The following SPIN1 variants were observed in gnomAD, a reference collection of about 807,000 sequenced individuals.
The protein encoded by SPIN1 is spindlin 1.
SPIN1 carries 3 observed loss-of-function variants against 26.0 expected under a neutral mutation model. The observed-to-expected ratio is 0.12, with a 90% CI of 0.05 to 0.30. The LOEUF (loss-of-function observed/expected upper bound fraction) is 0.30, where lower values mean the gene tolerates loss of function less well. Ranked by LOEUF, SPIN1 falls within the 10% of genes least tolerant of loss-of-function variation. SPIN1 has a pLI of 1.00. For synonymous variants in SPIN1, 101 were observed against 116.5 expected (o/e 0.87, Z 0.86); for missense variants, 126 against 333.4 (o/e 0.38, Z 4.84).
At chr9:88,471,739 A>G (rs1356782901) in intron 5 of SPIN1, among the ~76,000 whole-genome samples, 1 of 145,940 alleles carries the variant, frequency 6.9e-6, no homozygotes, top group African/African-American at 2.5e-5. Flanking sequence ...CTGTTGCATT[A>G]GTTTGTATGT....
intron 1 of SPIN1, among the ~76,000 whole-genome samples, chr9:88,414,486 C>T (rs539150409): frequency 6.6e-5 from 10 of 152,308 alleles, no homozygotes; most frequent in African/African-American, 1.2e-4. Context: ...TCTGTTATAC[C>T]ACAGTCAGCA....
chr9:88,398,949 CGT>C (rs746295804), intron 1 of SPIN1, among the ~76,000 whole-genome samples: 6 of 151,758 alleles, frequency 4.0e-5, no homozygotes, highest in Non-Finnish European at 7.4e-5. Flanking sequence ...TAAAGGAAAA[CGT>C]ATATGGGATA....
intron 1 of SPIN1, among the ~76,000 whole-genome samples, chr9:88,412,704 A>G (rs1431611743): frequency 6.7e-6 from 1 of 150,196 alleles, no homozygotes; most frequent in South Asian, 2.1e-4. Context: ...TTTTTTTTTT[A>G]GACAGTCTCA....
At chr9:88,446,688 G>T (rs538646971) in intron 2 of SPIN1, among the ~76,000 whole-genome samples, 1 of 152,132 alleles carries the variant, frequency 6.6e-6, no homozygotes, top group African/African-American at 2.4e-5. Context: ...GATTACAGGC[G>T]TGAGCCACTG....
At chr9:88,428,056 C>G (rs73652556) in intron 2 of SPIN1, among the ~76,000 whole-genome samples, 9,024 of 152,142 alleles carry the variant, frequency 0.059, 840 homozygotes, top group African/African-American at 0.2. Context: ...GAAAAAATTG[C>G]TGCCAGGTGT....
chr9:88,388,696 G>A (rs1385868020), intron 1 of SPIN1, among the ~76,000 whole-genome samples, 158 bp downstream of exon 1: 1 of 148,668 alleles, frequency 6.7e-6, no homozygotes, highest in African/African-American at 2.4e-5. Flanking sequence ...GCCCCCTGCC[G>A]GCTGGGCCGC....
rs140262294 is a variant in SPIN1 at position 88,456,983 on chromosome 9, AAGT to A, written c.102-5510_102-5508del. 7.3e-3 allele frequency among the ~76,000 whole-genome samples: 1,118 copies of A among 152,314 alleles called. 11 individuals carry two copies. The highest frequency in any genetic ancestry group is 0.025 in the African/African-American group (1,047 of 41,558). On this transcript the variant is annotated intron_variant, in intron 3 of 5. Coordinates refer to ENST00000375859, the MANE Select transcript of SPIN1 (RefSeq NM_006717.3). ...TTATGCAAGATATTCAATAGGCTGA[AAGT>A]AGAGTTTACTTAATTCACTAACAAT...
intron 1 of SPIN1, among the ~76,000 whole-genome samples, chr9:88,406,163 G>C (rs1827305907): frequency 6.6e-6 from 1 of 151,964 alleles, no homozygotes; most frequent in Non-Finnish European, 1.5e-5. Context: ...GAGCCACTGT[G>C]CCTGGCTCTA....
intron 2 of SPIN1, among the ~76,000 whole-genome samples, chr9:88,431,290 CTTTTT>C (rs537803394): frequency 2.1e-5 from 3 of 143,392 alleles, no homozygotes; most frequent in Non-Finnish European, 3.1e-5. Context: ...CTCTCTCTCT[CTTTTT>C]TTTTTTTTGA....
chr9:88,403,073 T>G (rs1827224784), intron 1 of SPIN1, among the ~76,000 whole-genome samples: 2 of 152,242 alleles, frequency 1.3e-5, no homozygotes, highest in African/African-American at 4.8e-5. Flanking sequence ...TTTTTTCATA[T>G]ATCATTTGGC....
intron 2 of SPIN1, among the ~76,000 whole-genome samples, chr9:88,435,652 T>A (rs1267114577): frequency 6.6e-6 from 1 of 152,198 alleles, no homozygotes; most frequent in East Asian, 1.9e-4. Flanking sequence ...ATATTACATC[T>A]ATTTTTCTTT....
chr9:88,431,443 A>G, intron 2 of SPIN1, among the ~76,000 whole-genome samples: 1 of 151,304 alleles, frequency 6.6e-6, no homozygotes, highest in East Asian at 2.0e-4. Context: ...GGCATCCGCC[A>G]CCACGCCCGG....
In SPIN1 at chr9:88,478,017, T is replaced by C. The variant is rs1828918730; in HGVS notation, c.*2740T>C. The C allele has an allele frequency of 2.0e-5, 3 of 152,200 alleles. No homozygotes were observed. The South Asian group carries it at 6.2e-4, about 32-fold the overall frequency. 9.4% of individuals were successfully genotyped at this position (152,200 alleles called of 1,614,324 possible). ...TTTCTTTATTTTTATTTGTTTTCAG[T>C]TTCCTGTATATTTGCTTACTGTGCC... is the stretch of plus-strand genomic sequence containing the variant. On this transcript the variant is annotated 3_prime_UTR_variant, in exon 6 of 6. Coordinates refer to ENST00000375859, the MANE Select transcript of SPIN1 (RefSeq NM_006717.3).
intron 1 of SPIN1, among the ~76,000 whole-genome samples, chr9:88,416,987 T>C (rs1827579616): frequency 6.6e-6 from 1 of 152,238 alleles, no homozygotes; most frequent in Admixed American, 6.5e-5. Flanking sequence ...CCTGTCTACC[T>C]GATATCAAGA....
At chr9:88,391,691 G>A (rs12353183) in intron 1 of SPIN1, 28,038 of 152,048 alleles carry the variant, frequency 0.18, 3,348 homozygotes, top group African/African-American at 0.34. Context: ...TTTGGTACTA[G>A]GGTTGAAAGT....
Position 88,441,398 on chromosome 9 carries a change from C to CGCGTGTGTGTGTGTGTGTGTGTGTGTGT in SPIN1, c.53-7542_53-7541insCGTGTGTGTGTGTGTGTGTGTGTGTGTG, listed in dbSNP as rs757363030. ...TGGTTGTATCATCATTGCTGCCATT[C>CGCGTGTGTGTGTGTGTGTGTGTGTGTGT]GTGTGTGTGTGTGTGTGCGCGCGCG... On this transcript the variant is annotated intron_variant, in intron 2 of 5. Transcript: ENST00000375859. Among the ~76,000 whole-genome samples, 206 of 137,776 alleles carry CGCGTGTGTGTGTGTGTGTGTGTGTGTGT rather than the reference C, an allele frequency of 1.5e-3. 2 individuals are homozygous for CGCGTGTGTGTGTGTGTGTGTGTGTGTGT. Among genetic ancestry groups the CGCGTGTGTGTGTGTGTGTGTGTGTGTGT allele is most frequent in the African/African-American group, 5.8e-3 (180 of 31,008 alleles). 90.4% of individuals were successfully genotyped at this position (137,776 alleles called of 152,430 possible).
chr9:88,474,638 T>C (rs58134276), intron 5 of SPIN1, among the ~76,000 whole-genome samples: 3,625 of 152,296 alleles, frequency 0.024, 120 homozygotes, highest in African/African-American at 0.075. Flanking sequence ...TTGTCTGCTT[T>C]CAAATTATAT....
At chr9:88,425,375 G>A (rs1827744900) in intron 1 of SPIN1, among the ~76,000 whole-genome samples, 1 of 152,024 alleles carries the variant, frequency 6.6e-6, no homozygotes, top group Admixed American at 6.6e-5. Context: ...ACTAAATTTG[G>A]TTTAAAAGAT....
intron 1 of SPIN1, among the ~76,000 whole-genome samples, chr9:88,394,115 C>T (rs1224578894): frequency 6.6e-6 from 1 of 152,206 alleles, no homozygotes; most frequent in Non-Finnish European, 1.5e-5. Context: ...TCCCAAAGTG[C>T]TGGGATTACA....
Sources: allele counts gnomAD v4.1 joint callset (sites outside exome capture counted in the v4.1 genomes callset), GRCh38; gene constraint gnomAD v4.1.1; transcripts MANE v1.5; gene names NCBI Gene and HGNC (gene_info 2026-07-23, HGNC 2026-07-21).